ABCB1: variants seen among roughly 807,000 people sequenced by gnomAD.
The protein encoded by ABCB1 is ATP-dependent translocase ABCB1.
In ABCB1, 69 loss-of-function variants were observed where a neutral mutation model predicts 142.0. The observed-to-expected ratio is 0.49, with a 90% CI of 0.40 to 0.59. The LOEUF (loss-of-function observed/expected upper bound fraction) is 0.59, where lower values mean the gene tolerates loss of function less well. ABCB1 is among the 20% of genes least tolerant of loss of function. The pLI, the probability that ABCB1 is intolerant of heterozygous loss-of-function variation, is 0.00. For synonymous variants in ABCB1, 532 were observed against 539.2 expected (o/e 0.99, Z 0.18); for missense variants, 1,326 against 1,554.7 (o/e 0.85, Z 2.47).
rs574910510 is a variant in ABCB1 at position 87,651,747 on chromosome 7, T to C, written c.-330-50669A>G. Among the ~76,000 whole-genome samples, 12 of 152,268 alleles carry C rather than the reference T, an allele frequency of 7.9e-5. No individual in the cohort carries two copies. In the South Asian group the frequency reaches 2.5e-3, roughly 32 times the overall value. Reference sequence around the variant, plus strand: ...TGAAGATTAATTCTATTCTGTACTTTTTGATGCTGAAAGCATCCAGGTTTT... The same window carrying C: ...TGAAGATTAATTCTATTCTGTACTTCTTGATGCTGAAAGCATCCAGGTTTT... On this transcript the variant is annotated intron_variant, in intron 1 of 28. Coordinates refer to the ABCB1 transcript ENST00000265724.
intron 1 of ABCB1, among the ~76,000 whole-genome samples, chr7:87,632,604 TTC>T (rs1229942007): frequency 6.6e-6 from 1 of 152,192 alleles, no homozygotes; most frequent in East Asian, 1.9e-4. Context: ...TCCCTGTATA[TTC>T]TCTATCGTTT....
intron 9 of ABCB1, among the ~76,000 whole-genome samples, chr7:87,552,916 A>G (rs1817142379): frequency 6.6e-6 from 1 of 152,130 alleles, no homozygotes; most frequent in Non-Finnish European, 1.5e-5. Context: ...TTTGCAAATT[A>G]TTTCATTGTC....
At chr7:87,633,407 A>G (rs17250003) in intron 1 of ABCB1, among the ~76,000 whole-genome samples, 4,759 of 152,300 alleles carry the variant, frequency 0.031, 73 homozygotes, top group Middle Eastern at 0.048. Flanking sequence ...ATCTGCCTCT[A>G]TGAATATGCC....
At chr7:87,575,040 T>C (rs991412291) in intron 4 of ABCB1, among the ~76,000 whole-genome samples, 6 of 152,222 alleles carry the variant, frequency 3.9e-5, no homozygotes, top group Admixed American at 3.9e-4. Context: ...CTACTTTGTA[T>C]ACAAGTGTCT....
intron 1 of ABCB1, among the ~76,000 whole-genome samples, chr7:87,699,987 A>G (rs1450382593): frequency 6.6e-6 from 1 of 152,094 alleles, no homozygotes; most frequent in African/African-American, 2.4e-5. Context: ...GGAGAAAAGA[A>G]TTATGGTGGT....
At chr7:87,673,104 C>G (rs1825997004) in intron 1 of ABCB1, among the ~76,000 whole-genome samples, 1 of 152,148 alleles carries the variant, frequency 6.6e-6, no homozygotes, top group Non-Finnish European at 1.5e-5. Context: ...TGATCGGGTT[C>G]CCTTTGTAGG....
At chr7:87,539,244 G>A (rs373721513) in intron 19 of ABCB1, 24 bp downstream of exon 19, 2 of 1,611,758 alleles carry the variant, frequency 1.2e-6, no homozygotes, top group East Asian at 4.5e-5. Context: ...ACACATCCCA[G>A]GGCACAGCCC....
intron 7 of ABCB1, among the ~76,000 whole-genome samples, chr7:87,562,930 C>G (rs955000): frequency 0.13 from 19,887 of 152,040 alleles, 1,906 homozygotes; most frequent in African/African-American, 0.27. Flanking sequence ...GAAACCCCAT[C>G]TCTACAAAAA....
chr7:87,553,031 T>C (rs2129727473), intron 9 of ABCB1, among the ~76,000 whole-genome samples: 1 of 152,314 alleles, frequency 6.6e-6, no homozygotes, highest in South Asian at 2.1e-4. Context: ...AGGAACAATT[T>C]ATACTTCCAT....
At chr7:87,629,378 A>G (rs1216961855) in intron 1 of ABCB1, 1 of 156,514 alleles carries the variant, frequency 6.4e-6, no homozygotes, top group Admixed American at 6.5e-5. Context: ...GCTTGTTTAC[A>G]TTATCTTCAG....
chr7:87,610,989 C>T (rs1467163271), intron 1 of ABCB1, among the ~76,000 whole-genome samples: 2 of 152,214 alleles, frequency 1.3e-5, no homozygotes, highest in Non-Finnish European at 2.9e-5. Flanking sequence ...CCACTATATC[C>T]ACCATCCATT....
chr7:87,689,048 C>G (rs1827755979), intron 1 of ABCB1, among the ~76,000 whole-genome samples: 1 of 151,956 alleles, frequency 6.6e-6, no homozygotes, highest in South Asian at 2.1e-4. Flanking sequence ...ATGAACATCA[C>G]TTTCAAAATC....
chr7:87,624,769 A>G (rs549069898), intron 1 of ABCB1, among the ~76,000 whole-genome samples: 1 of 152,342 alleles, frequency 6.6e-6, no homozygotes, highest in African/African-American at 2.4e-5. Context: ...AGAGGGAGAA[A>G]GAGACCCAGG....
At chr7:87,631,766 AT>A in intron 1 of ABCB1, among the ~76,000 whole-genome samples, 1 of 152,204 alleles carries the variant, frequency 6.6e-6, no homozygotes, top group East Asian at 1.9e-4. Context: ...TGGTGGAAAT[AT>A]AACTGGGTTC....
rs1161576548 is a variant in ABCB1 at position 87,545,088 on chromosome 7, C to T, written c.1888-89G>A. On this transcript the variant is annotated intron_variant, in intron 15 of 27. Transcript: ENST00000622132. ...ACTGAATGTCAGCTATCAAGGAAAA[C>T]AGCAATTTGTTTAGTAACTGCAGAA... is the stretch of plus-strand genomic sequence containing the variant. The T allele has an allele frequency of 2.4e-6, 3 of 1,245,766 alleles. No individual in the cohort carries two copies. The Admixed American group carries it at 5.7e-5, about 24-fold the overall frequency. 77.2% of individuals were successfully genotyped at this position (1,245,766 alleles called of 1,614,324 possible).
At chr7:87,518,582 T>C (rs562001653) in intron 23 of ABCB1, among the ~76,000 whole-genome samples, 23 of 152,324 alleles carry the variant, frequency 1.5e-4, no homozygotes, top group African/African-American at 5.3e-4. Flanking sequence ...ACAGAAATAC[T>C]ATACTAACAC....
chr7:87,564,777 A>G (rs1256393154), intron 7 of ABCB1, among the ~76,000 whole-genome samples: 1 of 152,234 alleles, frequency 6.6e-6, no homozygotes, highest in Non-Finnish European at 1.5e-5. Flanking sequence ...TACTAAATAA[A>G]TGGCATGTGA....
intron 1 of ABCB1, among the ~76,000 whole-genome samples, chr7:87,664,235 A>G (rs977052547): frequency 5.3e-5 from 8 of 152,236 alleles, no homozygotes; most frequent in African/African-American, 1.9e-4. Context: ...CTGAGGCAGG[A>G]GGGTCACTTG....
chr7:87,592,373 A>G (rs975822965), intron 3 of ABCB1, among the ~76,000 whole-genome samples: 3 of 152,264 alleles, frequency 2.0e-5, no homozygotes, highest in Non-Finnish European at 4.4e-5. Context: ...AGACACAGGT[A>G]GGTTTTTATG....
Sources: gnomAD v4.1 joint callset for allele counts (sites outside exome capture counted in the v4.1 genomes callset) on GRCh38, gnomAD v4.1.1 for gene constraint, MANE v1.5 for transcripts, NCBI Gene and HGNC (gene_info 2026-07-23, HGNC 2026-07-21) for gene names.